Variants in C8A observed in about 807,000 individuals in gnomAD.
C8A encodes the protein complement C8 alpha chain.
C8A carries 67 observed loss-of-function variants against 65.3 expected under a neutral mutation model. The observed-to-expected ratio is 1.03, with a 90% CI of 0.84 to 1.26. The LOEUF (loss-of-function observed/expected upper bound fraction) is 1.26, where lower values mean the gene tolerates loss of function less well. Ranked by LOEUF, C8A falls within the 50% of genes most tolerant of loss-of-function variation. The pLI is 0.00. For missense variants in C8A, 781 were observed against 723.9 expected, an observed-to-expected ratio of 1.08 and a Z score of -0.90; for synonymous variants, 290 against 259.4, an observed-to-expected ratio of 1.12 and a Z score of -1.13.
In C8A at chr1:56,854,812, G is replaced by A. The variant is rs1024443623; in HGVS notation, c.-90G>A. 3.0e-5 allele frequency: 32 copies of A among 1,069,374 alleles called. No individual in the cohort carries two copies. In the African/African-American group the frequency reaches 4.2e-4, roughly 14 times the overall value. The allele number at this position is 1,069,374 out of a possible 1,614,324, so 66.2% of individuals were successfully genotyped here. ...TTCCAACATCAGATAGATCTTACAG[G>A]TCCCAGCCTGTAGACATCTTTTACT... is the stretch of plus-strand genomic sequence containing the variant. On this transcript the variant is annotated 5_prime_UTR_variant, in exon 1 of 11. Coordinates refer to ENST00000361249, the MANE Select transcript of C8A (RefSeq NM_000562.3).
chr1:56,916,008 G>A (rs555934749), intron 10 of C8A, among the ~76,000 whole-genome samples: 2 of 152,286 alleles, frequency 1.3e-5, no homozygotes, highest in African/African-American at 4.8e-5. Flanking sequence ...CTCAGAACCA[G>A]TGACTTGCTA....
intron 7 of C8A, among the ~76,000 whole-genome samples, chr1:56,903,878 CT>C: frequency 6.6e-6 from 1 of 152,164 alleles, no homozygotes; most frequent in African/African-American, 2.4e-5. Flanking sequence ...TCCAGATGAT[CT>C]CAATGTACAG....
intron 7 of C8A, among the ~76,000 whole-genome samples, chr1:56,897,459 A>C (rs1037023143): frequency 1.1e-4 from 16 of 152,180 alleles, no homozygotes; most frequent in Non-Finnish European, 1.6e-4. Context: ...ATTGGAACAC[A>C]AGATGCGGGC....
chr1:56,911,336 A>C (rs1276074802), intron 9 of C8A, among the ~76,000 whole-genome samples: 1 of 152,134 alleles, frequency 6.6e-6, no homozygotes. Context: ...CTTAATCCTC[A>C]CAATAATCCT....
At chr1:56,898,819 C>A (rs1345182294) in intron 7 of C8A, among the ~76,000 whole-genome samples, 2 of 152,116 alleles carry the variant, frequency 1.3e-5, no homozygotes, top group East Asian at 1.9e-4. Context: ...GTATGCTGGG[C>A]AGCCTCCAGA....
At chr1:56,883,803 T>C in intron 6 of C8A, 122 bp downstream of exon 6, 1 of 836,654 alleles carries the variant, frequency 1.2e-6, no homozygotes, top group Non-Finnish European at 1.9e-6. Context: ...TAATTGGAAA[T>C]GTCTGATCAG....
rs1178623529 is a variant in C8A, at chr1:56,885,926, G to A, written c.856-1G>A. 9 of 1,613,724 alleles carry A rather than the reference G, an allele frequency of 5.6e-6. No homozygotes were observed. The highest frequency in any genetic ancestry group is 7.6e-6 in the Non-Finnish European group (9 of 1,179,892). ...CTTTATTCAATGGCGGTTGCTGGCA[G>A]AAATTCATTTTCACAAGAATCTTCA... On this transcript the variant is annotated splice_acceptor_variant, in intron 6 of 10. Coordinates refer to ENST00000361249, the MANE Select transcript of C8A (RefSeq NM_000562.3). LOFTEE classifies it high-confidence loss of function.
In C8A at chr1:56,885,448, A is replaced by G. The variant is rs1380585156; in HGVS notation, c.856-479A>G. 1.9e-4 allele frequency among the ~76,000 whole-genome samples: 22 copies of G among 116,376 alleles called. No homozygotes were observed. In the East Asian group the frequency reaches 6.2e-3, roughly 33 times the overall value. The allele number at this position is 116,376 out of a possible 152,430, so 76.3% of individuals were successfully genotyped here. A position where few individuals can be genotyped will look rare whatever the true frequency, so the allele number is the denominator to read the frequency against. ...TTTAAATATATATTTAAGTAAATAT[A>G]TATATATTTCCGTAAATATATATTT... is the stretch of plus-strand genomic sequence containing the variant. On this transcript the variant is annotated intron_variant, in intron 6 of 10. Coordinates refer to ENST00000361249, the MANE Select transcript of C8A (RefSeq NM_000562.3).
rs191533645 is a variant in C8A at position 56,914,875 on chromosome 1, G to A, written c.1603+2250G>A. ...GTATTTTTACTGGAGATGGGTTTTCGCCATGTTGGTCAGGCTGGTCTCGAA... is the reference window on the plus strand; with the variant it reads ...GTATTTTTACTGGAGATGGGTTTTCACCATGTTGGTCAGGCTGGTCTCGAA... On this transcript the variant is annotated intron_variant, in intron 10 of 10. Coordinates refer to ENST00000361249, the MANE Select transcript of C8A (RefSeq NM_000562.3). Among the ~76,000 whole-genome samples, 1,428 of 152,010 alleles carry A rather than the reference G, an allele frequency of 9.4e-3. 8 individuals are homozygous for A. The highest frequency in any genetic ancestry group is 0.014 in the Non-Finnish European group (972 of 67,966).
At chr1:56,916,156 T>C (rs1644549472) in intron 10 of C8A, among the ~76,000 whole-genome samples, 1 of 151,926 alleles carries the variant, frequency 6.6e-6, no homozygotes, top group African/African-American at 2.4e-5. Context: ...TCAGAGAAGG[T>C]GTGGGCATTA....
At chr1:56,892,190 T>C (rs1444503501) in intron 7 of C8A, among the ~76,000 whole-genome samples, 1 of 152,138 alleles carries the variant, frequency 6.6e-6, no homozygotes, top group Non-Finnish European at 1.5e-5. Flanking sequence ...ATAACATTCA[T>C]GTCCTTCTCA....
rs375799642 is a variant in C8A, at chr1:56,908,038, A to G, written c.1305A>G (p.Ala435=). The G allele has an allele frequency of 1.4e-5, 22 of 1,614,162 alleles. 1 individual carries two copies. In the African/African-American group the frequency reaches 2.9e-4, roughly 22 times the overall value. ...GGSSGWSGGL[A]QNRSTITYRS... ...GTTCTGGCTGGAGCGGTGGCTTGGC[A>G]CAGAACAGGAGCACCATTACATACC... Residue 435 remains alanine, a synonymous_variant, in exon 9 of 11, where the codon GCA becomes GCG. Transcript: ENST00000361249.
intron 10 of C8A, among the ~76,000 whole-genome samples, chr1:56,917,324 A>G (rs1340663614): frequency 6.6e-6 from 1 of 152,200 alleles, no homozygotes; most frequent in Non-Finnish European, 1.5e-5. Flanking sequence ...AGGGGCAATT[A>G]ATAGCCTGAC....
intron 10 of C8A, among the ~76,000 whole-genome samples, chr1:56,913,723 C>T (rs1644528682): frequency 6.6e-6 from 1 of 152,098 alleles, no homozygotes; most frequent in Admixed American, 6.5e-5. Context: ...ACACATTAAC[C>T]TAAATTGGCT....
chr1:56,872,051 T>C (rs1267739471), intron 2 of C8A, among the ~76,000 whole-genome samples: 1 of 152,184 alleles, frequency 6.6e-6, no homozygotes, highest in Non-Finnish European at 1.5e-5. Context: ...TGCTAAGGTA[T>C]CCTGGCACCA....
intron 4 of C8A, among the ~76,000 whole-genome samples, chr1:56,878,737 C>T (rs1406933553): frequency 1.3e-5 from 2 of 152,086 alleles, no homozygotes; most frequent in Non-Finnish European, 2.9e-5. Context: ...ACCTGCACTC[C>T]GTCCAACAGC....
At position 56,885,315 on chromosome 1, in the gene C8A, A is replaced by AATATATATTTATATATATTTACACAAAT. The variant is rs60530575; in HGVS notation, c.856-606_856-605insATTTATATATATTTACACAAATATATAT. Among the ~76,000 whole-genome samples, 6 of 117,038 alleles carry AATATATATTTATATATATTTACACAAAT rather than the reference A, an allele frequency of 5.1e-5. 1 individual carries two copies. Among genetic ancestry groups the AATATATATTTATATATATTTACACAAAT allele is most frequent in the African/African-American group, 2.3e-4 (6 of 25,730 alleles). The allele number at this position is 117,038 out of a possible 152,430, so 76.8% of individuals were successfully genotyped here. On this transcript the variant is annotated intron_variant, in intron 6 of 10. Coordinates refer to ENST00000361249, the MANE Select transcript of C8A (RefSeq NM_000562.3). The stretch of plus-strand genomic sequence containing the variant: ...ATATATATTTATATATATTTACATA[A>AATATATATTTATATATATTTACACAAAT]ATATATTTATTTAAATATATATTTA...
chr1:56,858,233 A>G (rs185510517), intron 1 of C8A, among the ~76,000 whole-genome samples: 1 of 152,262 alleles, frequency 6.6e-6, no homozygotes, highest in East Asian at 1.9e-4. Context: ...AGGATTTAGT[A>G]TCTAGCTTAA....
At chr1:56,899,667 C>T (rs1644412068) in intron 7 of C8A, among the ~76,000 whole-genome samples, 1 of 152,166 alleles carries the variant, frequency 6.6e-6, no homozygotes, top group South Asian at 2.1e-4. Flanking sequence ...CCTCAGCCTC[C>T]CTCTTTTTCT....
Sources: allele counts gnomAD v4.1 joint callset (sites outside exome capture counted in the v4.1 genomes callset), GRCh38; gene constraint gnomAD v4.1.1; transcripts MANE v1.5; gene names NCBI Gene and HGNC (gene_info 2026-07-23, HGNC 2026-07-21).